Variants in TUBGCP5 observed in about 807,000 individuals in gnomAD.
TUBGCP5 encodes the protein gamma-tubulin complex component 5.
Under a neutral mutation model 134.7 loss-of-function variants are expected in TUBGCP5, and 98 were observed. That is an observed-to-expected ratio of 0.73 (90% confidence interval 0.62 to 0.86). The LOEUF is 0.86. Ranked by LOEUF, TUBGCP5 falls within the 40% of genes least tolerant of loss-of-function variation. TUBGCP5 has a pLI of 0.00. For missense variants in TUBGCP5, 1,150 were observed against 1,244.8 expected (o/e 0.92, Z 1.15); for synonymous variants, 456 against 431.4 (o/e 1.06, Z -0.71).
At chr15:23,030,601 TAAAAAAA>T (rs10632423) in intron 6 of TUBGCP5, among the ~76,000 whole-genome samples, 1 of 119,546 alleles carries the variant, frequency 8.4e-6, no homozygotes, top group Non-Finnish European at 1.8e-5. Context: ...CTTCTCCAAT[TAAAAAAA>T]AAAAAAAAAA....
At chr15:23,022,837 G>C (rs1265288986) in intron 10 of TUBGCP5, among the ~76,000 whole-genome samples, 2 of 152,024 alleles carry the variant, frequency 1.3e-5, no homozygotes, top group Non-Finnish European at 2.9e-5. Flanking sequence ...TATTTTTTGT[G>C]GTAGTTCAAA....
At chr15:23,034,924 A>G (rs546181888) in intron 3 of TUBGCP5, among the ~76,000 whole-genome samples, 2 of 152,314 alleles carry the variant, frequency 1.3e-5, no homozygotes, top group Admixed American at 1.3e-4. Flanking sequence ...GATTAATAAC[A>G]TTAATAAATC....
At chr15:22,999,914 A>G (rs1248399020) in intron 22 of TUBGCP5, 48 bp from the exon 23 acceptor site, 9 of 1,593,690 alleles carry the variant, frequency 5.6e-6, no homozygotes, top group East Asian at 4.5e-5. Context: ...TTAAATGTTG[A>G]AAAAAAATTT....
At chr15:22,987,973 AGAC>A (rs1435615841) in intron 23 of TUBGCP5, among the ~76,000 whole-genome samples, 1 of 149,546 alleles carries the variant, frequency 6.7e-6, no homozygotes, top group Non-Finnish European at 1.5e-5. Context: ...AGACACAGCC[AGAC>A]AACAGCCACT....
intron 6 of TUBGCP5, among the ~76,000 whole-genome samples, chr15:23,030,196 C>CA (rs1262699042): frequency 2.0e-5 from 3 of 149,308 alleles, no homozygotes; most frequent in Admixed American, 1.3e-4. Context: ...CCCTTGTCTC[C>CA]AAAAAAAAAG....
rs1408059024 is a variant in TUBGCP5 at position 23,003,088 on chromosome 15, C to A, written c.2904G>T (p.Trp968Cys). 6.2e-7 allele frequency: 1 copy of A among 1,614,120 alleles called. No homozygotes were observed. Residue 968 changes from tryptophan (W) to cysteine (C), a missense_variant, in exon 21 of 23, where the codon TGG becomes TGT. By Grantham distance (215) the Trp-to-Cys change is radical. Transcript: ENST00000615383. ...LNLALMFADG[W>C]QAGLGTWRME... Reference sequence around the variant, plus strand: ...ACCGCCAAGTGCCCAGGCCTGCCTGCCAACCGTCTGCAAACATGAGAGCCA... The same window carrying A: ...ACCGCCAAGTGCCCAGGCCTGCCTGACAACCGTCTGCAAACATGAGAGCCA...
intron 12 of TUBGCP5, 21 bp downstream of exon 12, chr15:23,019,198 T>C: frequency 6.3e-7 from 1 of 1,581,920 alleles, no homozygotes; most frequent in Non-Finnish European, 8.7e-7. Context: ...CCCAGTGACC[T>C]TGTGCTCTGC....
Position 23,018,025 on chromosome 15 carries a change from C to G in TUBGCP5, c.1504G>C (p.Val502Leu). 1 of 1,608,576 alleles carries G rather than the reference C, an allele frequency of 6.2e-7. No homozygotes were observed. The highest frequency in any genetic ancestry group is 8.5e-7 in the Non-Finnish European group (1 of 1,176,590). The change falls in exon 13 of 23, where the codon GTT becomes CTT. Residue 502 changes from valine to leucine, a missense_variant. Around this residue, in one of 2 missense-constraint regions of TUBGCP5, gnomAD observed 697 missense variants for 850.1 expected, o/e 0.82. Transcript: ENST00000615383. ...FIIQRNKNVP[V>L]NHRDFWYATY... is the part of the protein sequence containing the mutation. ...GCATACCAGAAGTCTCTGTGATTAA[C>G]TGGAACATTTTTGTTTCTAAAGAGA...
intron 23 of TUBGCP5, among the ~76,000 whole-genome samples, chr15:22,987,592 C>A (rs2063716853): frequency 6.6e-6 from 1 of 151,732 alleles, no homozygotes; most frequent in African/African-American, 2.4e-5. Context: ...GATTTGTGCC[C>A]TTATAAAAGA....
chr15:23,009,425 C>A (rs569322193), intron 15 of TUBGCP5, among the ~76,000 whole-genome samples: 1 of 151,938 alleles, frequency 6.6e-6, no homozygotes, highest in African/African-American at 2.4e-5. Flanking sequence ...CCCGGCACCA[C>A]GCCCGGCGAA....
At chr15:23,004,511 C>A in intron 19 of TUBGCP5, 1 of 381,766 alleles carries the variant, frequency 2.6e-6, no homozygotes, top group Non-Finnish European at 4.7e-6. Context: ...AAGGGGCAAG[C>A]ACATTAAGCT....
chr15:22,995,403 C>G (rs1457984380), downstream of TUBGCP5, among the ~76,000 whole-genome samples: 1 of 151,900 alleles, frequency 6.6e-6, no homozygotes, highest in Non-Finnish European at 1.5e-5. Flanking sequence ...CCACCTTGTT[C>G]GTGGTCCCCC....
chr15:23,028,468 A>C (rs534338201), intron 6 of TUBGCP5, among the ~76,000 whole-genome samples: 1 of 152,226 alleles, frequency 6.6e-6, no homozygotes, highest in East Asian at 1.9e-4. Context: ...AGTTTAGGTG[A>C]AGAATTCAAG....
In TUBGCP5 at chr15:23,024,840, G is replaced by C. The variant is rs749054103; in HGVS notation, c.828-10C>G. On this transcript the variant is annotated splice_polypyrimidine_tract_variant and intron_variant, in intron 8 of 22. Coordinates refer to ENST00000615383, the MANE Select transcript of TUBGCP5 (RefSeq NM_052903.6). ...CACTCCTGAAAGTAACCTGAAATGAGATTAAAAAAAGACGAGTGTACTTTA... is the reference window on the plus strand; with the variant it reads ...CACTCCTGAAAGTAACCTGAAATGACATTAAAAAAAGACGAGTGTACTTTA... The C allele has an allele frequency of 2.7e-6, 4 of 1,480,200 alleles. No homozygotes were observed. The Admixed American group carries it at 7.5e-5, about 28-fold the overall frequency. 91.7% of individuals were successfully genotyped at this position (1,480,200 alleles called of 1,614,324 possible).
chr15:23,030,930 C>T lies in TUBGCP5; in HGVS notation c.577G>A (p.Glu193Lys), dbSNP rs2066273236. 6.2e-7 allele frequency: 1 copy of T among 1,613,474 alleles called. No homozygotes were observed. The highest frequency in any genetic ancestry group is 1.3e-5 in the African/African-American group (1 of 74,858). ...TCCAGTTTTCTGTTTTGATCTTGTT[C>T]TTCTAACGGTGTCCTGTCTACCTGA... ...GIQVDRTPLE[E>K]QDQNRKLDPC... The change falls in exon 6 of 23, where the codon GAA becomes AAA. Residue 193 changes from glutamate (E) to lysine (K), a missense_variant. Physicochemically the swap from Glu to Lys is moderately conservative, Grantham distance 56. Around this residue, in one of 2 missense-constraint regions of TUBGCP5, gnomAD observed 453 missense variants for 394.7 expected, o/e 1.15. Transcript: ENST00000615383.
chr15:23,029,010 AAG>A (rs902971859), intron 6 of TUBGCP5, among the ~76,000 whole-genome samples: 2 of 152,224 alleles, frequency 1.3e-5, no homozygotes, highest in African/African-American at 4.8e-5. Context: ...GAATAAACAA[AAG>A]AGGCAACATT....
At chr15:23,024,493 C>G in intron 9 of TUBGCP5, 1 of 426,804 alleles carries the variant, frequency 2.3e-6, no homozygotes, top group Non-Finnish European at 4.1e-6. Context: ...AAATAAAAAG[C>G]AGAAAATGCA....
chr15:23,009,170 A>G (rs1327884010), intron 15 of TUBGCP5, among the ~76,000 whole-genome samples: 2 of 152,080 alleles, frequency 1.3e-5, no homozygotes, highest in African/African-American at 4.8e-5. Flanking sequence ...GATTTCCATC[A>G]TTAATATTTA....
chr15:23,000,974 G>A (rs1361195741), intron 21 of TUBGCP5, among the ~76,000 whole-genome samples: 2 of 152,094 alleles, frequency 1.3e-5, no homozygotes, highest in African/African-American at 4.8e-5. Context: ...TTGTTTACAA[G>A]CATACATTCT....
Sources: allele counts gnomAD v4.1 joint callset (sites outside exome capture counted in the v4.1 genomes callset), GRCh38; gene constraint gnomAD v4.1.1; regional missense constraint gnomAD v4.1.1; transcripts MANE v1.5; gene names NCBI Gene and HGNC (gene_info 2026-07-23, HGNC 2026-07-21).